The following AMOTL1 variants were observed in gnomAD, a reference collection of about 807,000 sequenced individuals.
AMOTL1 encodes the protein angiomotin-like protein 1.
A neutral mutation model predicts 102.9 loss-of-function variants in AMOTL1; 45 were observed. That is an observed-to-expected ratio of 0.44 (90% CI 0.34 to 0.56). The LOEUF (loss-of-function observed/expected upper bound fraction) is 0.56. Ranked by LOEUF, AMOTL1 falls within the 20% of genes least tolerant of loss-of-function variation. The pLI is 0.01. For missense variants in AMOTL1, 1,114 were observed against 1,225.6 expected (o/e 0.91, Z 1.36); for synonymous variants, 481 against 484.7 (o/e 0.99, Z 0.10).
At chr11:94,710,803 C>T (rs571847890) in intron 1 of AMOTL1, among the ~76,000 whole-genome samples, 3 of 152,206 alleles carry the variant, frequency 2.0e-5, no homozygotes, top group African/African-American at 4.8e-5. Flanking sequence ...AAAACAACCT[C>T]TGCATCCCAT....
intron 7 of AMOTL1, among the ~76,000 whole-genome samples, chr11:94,850,708 G>A (rs370245300): frequency 6.6e-6 from 1 of 152,210 alleles, no homozygotes; most frequent in African/African-American, 2.4e-5. Context: ...AAGGAGCAGA[G>A]GCCTAGCCAG....
At chr11:94,814,917 C>G (rs890960604) in intron 3 of AMOTL1, among the ~76,000 whole-genome samples, 2 of 152,112 alleles carry the variant, frequency 1.3e-5, no homozygotes, top group African/African-American at 4.8e-5. Context: ...ATCATTGTAT[C>G]CCACACCCCC....
rs764885723 is a variant in AMOTL1 at position 94,866,059 on chromosome 11, C to T, written c.2379C>T (p.Ser793=). ...TDSSSLRPAR[S]VPSIAAATGT... The stretch of plus-strand genomic sequence containing the variant: ...CCTCCAGCCTACGTCCTGCCCGCTC[C>T]GTTCCATCCATAGCAGCAGCTACTG... Residue 793 remains serine, a synonymous_variant, in exon 11 of 13, where the codon TCC becomes TCT. Coordinates refer to ENST00000433060, the MANE Select transcript of AMOTL1 (RefSeq NM_130847.3). 15 of 1,613,874 alleles carry T rather than the reference C, an allele frequency of 9.3e-6. No homozygotes were observed. In the East Asian group the frequency reaches 1.8e-4, roughly 19 times the overall value.
chr11:94,747,612 A>G (rs1950605168), intron 3 of AMOTL1, among the ~76,000 whole-genome samples: 1 of 152,194 alleles, frequency 6.6e-6, no homozygotes, highest in African/African-American at 2.4e-5. Flanking sequence ...GCAGCTCTGG[A>G]TCACAGTGTT....
At chr11:94,787,642 C>T (rs1195836384) in intron 1 of AMOTL1, among the ~76,000 whole-genome samples, 1 of 127,326 alleles carries the variant, frequency 7.9e-6, no homozygotes, top group Non-Finnish European at 1.5e-5. Context: ...GAGTCGAGAT[C>T]GCGCCACTGC....
chr11:94,821,207 A>G (rs1185624127), intron 3 of AMOTL1, among the ~76,000 whole-genome samples: 1 of 152,184 alleles, frequency 6.6e-6, no homozygotes, highest in African/African-American at 2.4e-5. Context: ...ACTTGGGGTC[A>G]TTCCCTGTCA....
rs191604464 is a variant in AMOTL1 at position 94,778,225 on chromosome 11, G to A, written c.49+9665G>A. Among the ~76,000 whole-genome samples the A allele has an allele frequency of 1.1e-3, 161 of 152,192 alleles. 1 individual carries two copies. Among genetic ancestry groups the A allele is most frequent in the African/African-American group, 3.7e-3 (154 of 41,518 alleles). On this transcript the variant is annotated intron_variant, in intron 1 of 12. Coordinates refer to ENST00000433060, the MANE Select transcript of AMOTL1 (RefSeq NM_130847.3). ...AAATACAGATTAGGAGGATATGGAG[G>A]GCAAAGAGGCAACCAAAGAATTAAT...
At chr11:94,707,521 C>CAG (rs1471377583) in intron 1 of AMOTL1, among the ~76,000 whole-genome samples, 3 of 152,134 alleles carry the variant, frequency 2.0e-5, no homozygotes, top group African/African-American at 4.8e-5. Context: ...TTTCTTGGCA[C>CAG]AGAACCCTGC....
intron 2 of AMOTL1, among the ~76,000 whole-genome samples, chr11:94,797,933 T>C (rs1404707654): frequency 6.6e-6 from 1 of 152,154 alleles, no homozygotes; most frequent in Non-Finnish European, 1.5e-5. Flanking sequence ...AGTGACATGA[T>C]TAGATTTCTC....
intron 1 of AMOTL1, among the ~76,000 whole-genome samples, chr11:94,770,337 G>T (rs562648057): frequency 6.6e-6 from 1 of 152,110 alleles, no homozygotes; most frequent in Non-Finnish European, 1.5e-5. Flanking sequence ...GTTAGTAAAG[G>T]GTGGAAAAGC....
At chr11:94,803,452 A>G (rs1951514477) in intron 3 of AMOTL1, among the ~76,000 whole-genome samples, 1 of 152,204 alleles carries the variant, frequency 6.6e-6, no homozygotes, top group African/African-American at 2.4e-5. Context: ...AGGGGCCTGC[A>G]GGGAACATGT....
At chr11:94,767,465 A>G (rs1026576756), upstream of AMOTL1, among the ~76,000 whole-genome samples, 1 of 152,114 alleles carries the variant, frequency 6.6e-6, no homozygotes, top group Middle Eastern at 3.2e-3. Context: ...ATAGCAGGTA[A>G]ACAGAGGCAG....
chr11:94,869,061 G>A (rs2135744330), intron 11 of AMOTL1, 137 bp from the exon 12 acceptor site: 1 of 1,051,292 alleles, frequency 9.5e-7, no homozygotes, highest in African/African-American at 1.6e-5. Flanking sequence ...TGTAATAAGT[G>A]TTTATTAAAT....
At chr11:94,866,253 C>G in intron 11 of AMOTL1, 85 bp downstream of exon 11, 1 of 1,331,354 alleles carries the variant, frequency 7.5e-7, no homozygotes. Flanking sequence ...GGAAATGTCC[C>G]TGAATAGTTC....
At chr11:94,829,386 C>A (rs752320537) in intron 4 of AMOTL1, among the ~76,000 whole-genome samples, 55 of 152,056 alleles carry the variant, frequency 3.6e-4, no homozygotes, top group Admixed American at 1.6e-3. Context: ...CCATGCCCAG[C>A]TAATATTTGT....
chr11:94,825,482 C>T (rs1951945217), intron 4 of AMOTL1, among the ~76,000 whole-genome samples: 1 of 152,182 alleles, frequency 6.6e-6, no homozygotes, highest in South Asian at 2.1e-4. Context: ...TCATGCAGGG[C>T]TTTCTGCTCT....
At chr11:94,844,233 TGG>T (rs1952362244) in intron 6 of AMOTL1, among the ~76,000 whole-genome samples, 1 of 152,168 alleles carries the variant, frequency 6.6e-6, no homozygotes, top group South Asian at 2.1e-4. Flanking sequence ...GGTGCCAAAA[TGG>T]GCTAGTTATG....
At chr11:94,727,837 C>T (rs996176662) in intron 1 of AMOTL1, among the ~76,000 whole-genome samples, 1 of 152,092 alleles carries the variant, frequency 6.6e-6, no homozygotes, top group African/African-American at 2.4e-5. Context: ...TTGGTACTTC[C>T]TAGTATTTTA....
intron 6 of AMOTL1, among the ~76,000 whole-genome samples, chr11:94,842,578 C>T (rs1218212700): frequency 1.3e-5 from 2 of 152,192 alleles, no homozygotes; most frequent in South Asian, 4.1e-4. Flanking sequence ...GCACTTTAGG[C>T]TTTACCTCAT....
Sources: gnomAD v4.1 joint callset for allele counts (sites outside exome capture counted in the v4.1 genomes callset) on GRCh38, gnomAD v4.1.1 for gene constraint, MANE v1.5 for transcripts, NCBI Gene and HGNC (gene_info 2026-07-23, HGNC 2026-07-21) for gene names.